MCCC2: variants seen among roughly 807,000 people sequenced by gnomAD.
MCCC2 encodes methylcrotonoyl-CoA carboxylase beta chain, mitochondrial.
A neutral mutation model predicts 77.2 loss-of-function variants in MCCC2; 52 were observed. The ratio of observed to expected loss-of-function variants is 0.67; its 90% confidence interval spans 0.54 to 0.85. The LOEUF is 0.85. Ranked by LOEUF, MCCC2 falls within the 40% of genes least tolerant of loss-of-function variation. The pLI is 0.00. For missense variants in MCCC2, 682 were observed against 703.2 expected (o/e 0.97, Z 0.34); for synonymous variants, 253 against 248.4 (o/e 1.02, Z -0.18).
chr5:71,618,544 CCTTCCTTT>C (rs879770382), intron 6 of MCCC2, among the ~76,000 whole-genome samples: 1,185 of 37,230 alleles, frequency 0.032, 8 homozygotes, highest in Non-Finnish European at 0.047. Context: ...TTCCTTCCTT[CCTTCCTTT>C]CTTTCTTTCT....
chr5:71,600,767 T>C (rs1489348863), intron 4 of MCCC2, among the ~76,000 whole-genome samples: 1 of 152,232 alleles, frequency 6.6e-6, no homozygotes, highest in East Asian at 1.9e-4. Flanking sequence ...GGAGCTCAAA[T>C]GGTCTTAGGT....
At chr5:71,642,609 C>A (rs2112457149) in intron 11 of MCCC2, among the ~76,000 whole-genome samples, 1 of 152,310 alleles carries the variant, frequency 6.6e-6, no homozygotes, top group East Asian at 1.9e-4. Flanking sequence ...TGCGCATTTG[C>A]AGGGGCAGCA....
At chr5:71,631,976 G>A in intron 7 of MCCC2, 145 bp from the exon 8 acceptor site, 2 of 767,682 alleles carry the variant, frequency 2.6e-6, no homozygotes, top group Non-Finnish European at 4.7e-6. Context: ...GGTTTCCTAG[G>A]TGCATGAATG....
rs562416671 is a variant in MCCC2 at position 71,604,730 on chromosome 5, G to A, written c.624+262G>A. Among the ~76,000 whole-genome samples the A allele has an allele frequency of 4.7e-3, 652 of 138,470 alleles. 6 individuals carry two copies. Among genetic ancestry groups the A allele is most frequent in the African/African-American group, 0.017 (620 of 37,244 alleles). The allele number at this position is 138,470 out of a possible 152,430, so 90.8% of individuals were successfully genotyped here. On this transcript the variant is annotated intron_variant, in intron 6 of 16. Transcript: ENST00000340941. ...ATATCTCCCAATGCTATCCCTCCCC[G>A]CTCCCCCCACCCCACCACAGTCCCC...
rs1248941788 is a variant in MCCC2, at chr5:71,609,880, G to A, written c.624+5412G>A. On this transcript the variant is annotated intron_variant, in intron 6 of 16. Coordinates refer to ENST00000340941, the MANE Select transcript of MCCC2 (RefSeq NM_022132.5). ...GGGGTGCCTCCCAGTTAGGCTGCTC[G>A]GGGGTCAGGGGTCAGGGACCCACTT... Among the ~76,000 whole-genome samples, 22 of 152,108 alleles carry A rather than the reference G, an allele frequency of 1.4e-4. No individual in the cohort carries two copies. In the South Asian group the frequency reaches 1.7e-3, roughly 11 times the overall value.
intron 3 of MCCC2, among the ~76,000 whole-genome samples, 155 bp from the exon 4 acceptor site, chr5:71,599,504 C>G (rs1363945042): frequency 6.6e-6 from 1 of 152,164 alleles, no homozygotes; most frequent in African/African-American, 2.4e-5. Flanking sequence ...AGCCACCACA[C>G]CCATTTTAGA....
chr5:71,612,954 A>G (rs1425511393), intron 6 of MCCC2, among the ~76,000 whole-genome samples: 1 of 152,222 alleles, frequency 6.6e-6, no homozygotes, highest in Non-Finnish European at 1.5e-5. Flanking sequence ...CTGTGCTTCC[A>G]GGGGACATTC....
Position 71,596,501 on chromosome 5 carries a change from A to G in MCCC2, c.281+137A>G, listed in dbSNP as rs959634082. The G allele has an allele frequency of 5.8e-5, 47 of 815,830 alleles. No individual in the cohort carries two copies. In the African/African-American group the frequency reaches 7.2e-4, roughly 12 times the overall value. 50.5% of individuals were successfully genotyped at this position (815,830 alleles called of 1,614,324 possible). A position where few individuals can be genotyped will look rare whatever the true frequency, so the allele number is the denominator to read the frequency against. On this transcript the variant is annotated intron_variant, in intron 3 of 16. Coordinates refer to ENST00000340941, the MANE Select transcript of MCCC2 (RefSeq NM_022132.5). Reference sequence around the variant, plus strand: ...AACATGTGTTTATTGAGAGCCTACTATGTGTCAAGCACTATGTGTTGACAT... The same window carrying G: ...AACATGTGTTTATTGAGAGCCTACTGTGTGTCAAGCACTATGTGTTGACAT...
Position 71,656,757 on chromosome 5 carries a change from G to A in MCCC2, c.1589G>A (p.Gly530Glu). The change falls in exon 17 of 17, where the codon GGG becomes GAG. Residue 530 changes from glycine to glutamate, a missense_variant. Transcript: ENST00000340941. The stretch of plus-strand genomic sequence containing the variant: ...TCTTTTGTCAGGGTATGGGATGATG[G>A]GATCATTGATCCAGCAGACACCAGA... ...YYSSARVWDD[G>E]IIDPADTRLV... 6.2e-7 allele frequency: 1 copy of A among 1,613,686 alleles called. No homozygotes were observed. The highest frequency in any genetic ancestry group is 1.3e-5 in the African/African-American group (1 of 74,988).
intron 8 of MCCC2, among the ~76,000 whole-genome samples, chr5:71,633,320 T>C (rs947854738): frequency 3.3e-5 from 5 of 151,608 alleles, no homozygotes; most frequent in Non-Finnish European, 7.4e-5. Flanking sequence ...CAATATATTA[T>C]GTTAAGGGTG....
chr5:71,639,110 G>A (rs1031910097), intron 10 of MCCC2, among the ~76,000 whole-genome samples: 2 of 152,196 alleles, frequency 1.3e-5, no homozygotes, highest in Non-Finnish European at 2.9e-5. Flanking sequence ...TAGAGCACAG[G>A]CAGAGTAGAT....
chr5:71,595,428 C>CAA (rs56048450), intron 2 of MCCC2, among the ~76,000 whole-genome samples: 39,377 of 115,034 alleles, frequency 0.34, 8,491 homozygotes, highest in South Asian at 0.46. Flanking sequence ...GATCTTGTCT[C>CAA]AAAAAAAAAA....
chr5:71,605,718 T>C (rs1485892970), intron 6 of MCCC2, among the ~76,000 whole-genome samples: 4 of 152,062 alleles, frequency 2.6e-5, no homozygotes, highest in Admixed American at 6.6e-5. Context: ...TTTGGTCTAA[T>C]GTTTAAGTCT....
Position 71,658,683 on chromosome 5 carries a change from C to T in MCCC2, c.*1823C>T, listed in dbSNP as rs1296668491. ...CCGAATAGAACTATCAAATGTTTTC[C>T]TAATAAAGTCAATATTTCAAACATT... is the stretch of plus-strand genomic sequence containing the variant. On this transcript the variant is annotated 3_prime_UTR_variant, in exon 17 of 17. Coordinates refer to ENST00000340941, the MANE Select transcript of MCCC2 (RefSeq NM_022132.5). 3 of 152,028 alleles carry T rather than the reference C, an allele frequency of 2.0e-5. No individual in the cohort carries two copies. Among genetic ancestry groups the T allele is most frequent in the Non-Finnish European group, 4.4e-5 (3 of 68,014 alleles). 9.4% of individuals were successfully genotyped at this position (152,028 alleles called of 1,614,324 possible). A position where few individuals can be genotyped will look rare whatever the true frequency, so the allele number is the denominator to read the frequency against.
At position 71,652,602 on chromosome 5, in the gene MCCC2, T is replaced by C. The variant is rs372548368; in HGVS notation, c.1489-67T>C. 66 of 1,190,480 alleles carry C rather than the reference T, an allele frequency of 5.5e-5. 1 individual carries two copies. The East Asian group carries it at 5.9e-4, about 11-fold the overall frequency. The allele number at this position is 1,190,480 out of a possible 1,614,324, so 73.7% of individuals were successfully genotyped here. A position where few individuals can be genotyped will look rare whatever the true frequency, so the allele number is the denominator to read the frequency against. ...CATGACATCTGTTGTTTCTTTTGAA[T>C]TGAGATGATCTAAACAGGGCCAGTT... On this transcript the variant is annotated intron_variant, in intron 15 of 16. Coordinates refer to ENST00000340941, the MANE Select transcript of MCCC2 (RefSeq NM_022132.5).
At chr5:71,629,923 A>G (rs1461545383) in intron 7 of MCCC2, among the ~76,000 whole-genome samples, 5 of 152,230 alleles carry the variant, frequency 3.3e-5, no homozygotes, top group Non-Finnish European at 7.3e-5. Flanking sequence ...TATGACTACA[A>G]TTTGAAAACA....
intron 13 of MCCC2, among the ~76,000 whole-genome samples, chr5:71,648,377 C>T (rs1397150368): frequency 6.6e-6 from 1 of 152,158 alleles, no homozygotes; most frequent in East Asian, 1.9e-4. Context: ...AGAGCAGCCT[C>T]CACAGAGCTA....
At chr5:71,626,316 G>A (rs1362105791) in intron 6 of MCCC2, among the ~76,000 whole-genome samples, 1 of 152,100 alleles carries the variant, frequency 6.6e-6, no homozygotes, top group Non-Finnish European at 1.5e-5. Context: ...TTTTAATACA[G>A]TTTTGCAAAA....
intron 16 of MCCC2, among the ~76,000 whole-genome samples, chr5:71,655,880 A>G (rs1236957734): frequency 6.6e-6 from 1 of 152,224 alleles, no homozygotes; most frequent in East Asian, 1.9e-4. Flanking sequence ...GTAGCAAAAA[A>G]TAAAGACCTA....
Sources: allele counts gnomAD v4.1 joint callset (sites outside exome capture counted in the v4.1 genomes callset), GRCh38; gene constraint gnomAD v4.1.1; transcripts MANE v1.5; gene names NCBI Gene and HGNC (gene_info 2026-07-23, HGNC 2026-07-21).